ZFYVE9: variants seen among roughly 807,000 people sequenced by gnomAD.
ZFYVE9 encodes the protein zinc finger FYVE-type containing 9.
A neutral mutation model predicts 126.7 loss-of-function variants in ZFYVE9; 43 were observed. That is an observed-to-expected ratio of 0.34 (90% CI 0.27 to 0.44). The LOEUF is 0.44. ZFYVE9 is among the 20% of genes least tolerant of loss of function. The pLI is 1.00. For synonymous variants in ZFYVE9, 521 were observed against 597.4 expected, an observed-to-expected ratio of 0.87 and a Z score of 1.87; for missense variants, 1,476 against 1,697.0, an observed-to-expected ratio of 0.87 and a Z score of 2.29.
intron 8 of ZFYVE9, among the ~76,000 whole-genome samples, chr1:52,277,740 G>A (rs1160394676): frequency 6.6e-6 from 1 of 152,098 alleles, no homozygotes; most frequent in Admixed American, 6.6e-5. Flanking sequence ...GTTCTACAGT[G>A]ATTATTACGC....
intron 2 of ZFYVE9, among the ~76,000 whole-genome samples, chr1:52,230,699 G>A (rs184462283): frequency 2.2e-4 from 34 of 151,974 alleles, no homozygotes; most frequent in South Asian, 4.2e-4. Flanking sequence ...ACCTTTTCTG[G>A]GGGTTCACAT....
At chr1:52,334,875 TAGCATCTCTTC>T (rs1646375328) in intron 15 of ZFYVE9, 107 bp downstream of exon 15, 1 of 1,098,738 alleles carries the variant, frequency 9.1e-7, no homozygotes, top group South Asian at 1.4e-5. Context: ...GTTTTTTCAG[TAGCATCTCTTC>T]AGCAAATTAA....
chr1:52,217,998 G>A (rs970283563), intron 2 of ZFYVE9, among the ~76,000 whole-genome samples: 1 of 152,184 alleles, frequency 6.6e-6, no homozygotes, highest in African/African-American at 2.4e-5. Flanking sequence ...TCCAGTCTAC[G>A]TTTTTGTTTA....
chr1:52,261,229 T>TC lies in ZFYVE9; in HGVS notation c.2179-2544_2179-2543insC, dbSNP rs199768452. ...TGGTTTTTCTTTTTCTTTCTTTCTT[T>TC]TTTTTTTTTTTTTTTGAGACAGGGT... On this transcript the variant is annotated intron_variant, in intron 4 of 18. Coordinates refer to ENST00000287727, the MANE Select transcript of ZFYVE9 (RefSeq NM_004799.4). Among the ~76,000 whole-genome samples the TC allele has an allele frequency of 8.0e-3, 1,186 of 148,574 alleles. 43 individuals are homozygous for TC. In the East Asian group the frequency reaches 0.1, roughly 13 times the overall value.
At chr1:52,192,434 G>C (rs1644824225) in intron 1 of ZFYVE9, among the ~76,000 whole-genome samples, 2 of 152,206 alleles carry the variant, frequency 1.3e-5, no homozygotes, top group South Asian at 4.1e-4. Flanking sequence ...GTTAGAAATT[G>C]CTCCTAAGCC....
At chr1:52,320,435 A>G (rs1369090330) in intron 13 of ZFYVE9, among the ~76,000 whole-genome samples, 1 of 152,256 alleles carries the variant, frequency 6.6e-6, no homozygotes, top group Non-Finnish European at 1.5e-5. Flanking sequence ...ATATATGAAT[A>G]GACCAATGGA....
chr1:52,344,806 C>T lies in ZFYVE9; in HGVS notation c.3978C>T (p.Leu1326=). The T allele has an allele frequency of 6.2e-7, 1 of 1,614,176 alleles. No homozygotes were observed. The highest frequency in any genetic ancestry group is 8.5e-7 in the Non-Finnish European group (1 of 1,180,018). ...FLENDDQHNC[L]SDPADHSRLT... ...AAAACGATGACCAGCACAATTGCCT[C>T]AGTGATCCTGCAGATCACAGTAGAT... Residue 1326 remains leucine, a synonymous_variant, in exon 18 of 19, where the codon CTC becomes CTT. Transcript: ENST00000287727.
At chr1:52,184,600 A>AGCGGGGGTGG (rs1278863975) in intron 1 of ZFYVE9, among the ~76,000 whole-genome samples, 1 of 2,408 alleles carries the variant, frequency 4.2e-4, no homozygotes, top group African/African-American at 2.0e-3. Flanking sequence ...GGTGGTGGGG[A>AGCGGGGGTGG]GCGGGGGTGG....
intron 13 of ZFYVE9, among the ~76,000 whole-genome samples, chr1:52,319,622 C>CA (rs199998342): frequency 0.12 from 16,399 of 142,042 alleles, 1,046 homozygotes; most frequent in Non-Finnish European, 0.15. Context: ...AACTCCATCT[C>CA]AAAAAAAAAA....
intron 1 of ZFYVE9, chr1:52,179,831 G>A (rs1644680808): frequency 1.6e-6 from 1 of 633,142 alleles, no homozygotes; most frequent in Non-Finnish European, 2.9e-6. Context: ...GCTGGCTTCA[G>A]CAATTGGAAA....
At chr1:52,259,126 A>G (rs1381566457) in intron 4 of ZFYVE9, among the ~76,000 whole-genome samples, 1 of 152,090 alleles carries the variant, frequency 6.6e-6, no homozygotes, top group Non-Finnish European at 1.5e-5. Flanking sequence ...TACGGAAAAG[A>G]TCTCTTCCAT....
At chr1:52,231,666 C>G (rs747657505) in intron 2 of ZFYVE9, among the ~76,000 whole-genome samples, 50 of 151,858 alleles carry the variant, frequency 3.3e-4, no homozygotes, top group Admixed American at 4.6e-4. Flanking sequence ...ACTTGTTGCC[C>G]AGGCTGGAGT....
intron 1 of ZFYVE9, among the ~76,000 whole-genome samples, chr1:52,174,331 T>C (rs1423789162): frequency 6.6e-6 from 1 of 151,146 alleles, no homozygotes; most frequent in East Asian, 1.9e-4. Context: ...AGTTTCTTAA[T>C]CCTGAGTTCT....
intron 12 of ZFYVE9, among the ~76,000 whole-genome samples, chr1:52,302,204 T>C (rs1029876617): frequency 6.6e-6 from 1 of 152,212 alleles, no homozygotes; most frequent in Non-Finnish European, 1.5e-5. Context: ...GGTATTTTTT[T>C]ATTGGTTGCC....
At chr1:52,226,264 C>T (rs561595934) in intron 2 of ZFYVE9, among the ~76,000 whole-genome samples, 12 of 152,288 alleles carry the variant, frequency 7.9e-5, no homozygotes, top group East Asian at 3.9e-4. Flanking sequence ...GGCATTCACC[C>T]GTGCAAGCTC....
At chr1:52,342,358 C>T (rs1047070694) in intron 17 of ZFYVE9, among the ~76,000 whole-genome samples, 3 of 151,518 alleles carry the variant, frequency 2.0e-5, no homozygotes, top group East Asian at 1.9e-4. Flanking sequence ...CTCCGCCTCC[C>T]GGGTACACAC....
chr1:52,314,297 TG>T (rs1290444457), intron 13 of ZFYVE9, among the ~76,000 whole-genome samples: 3 of 152,146 alleles, frequency 2.0e-5, no homozygotes, highest in Admixed American at 6.5e-5. Context: ...ATGAAAACAA[TG>T]CAAGTTGCAA....
rs890916502 is a variant in ZFYVE9 at position 52,266,893 on chromosome 1, A to T, written c.2455+62A>T. The T allele has an allele frequency of 7.0e-6, 10 of 1,434,022 alleles. No homozygotes were observed. The African/African-American group carries it at 1.2e-4, about 17-fold the overall frequency. The allele number at this position is 1,434,022 out of a possible 1,614,324, so 88.8% of individuals were successfully genotyped here. On this transcript the variant is annotated intron_variant, in intron 6 of 18. Coordinates refer to ENST00000287727, the MANE Select transcript of ZFYVE9 (RefSeq NM_004799.4). ...ACGAAGTTCCTCTGAAAAGGTGCTG[A>T]TATGACTTTACAGCACAAGTCTTAA...
At chr1:52,299,896 G>T (rs972578320) in intron 12 of ZFYVE9, among the ~76,000 whole-genome samples, 3 of 152,242 alleles carry the variant, frequency 2.0e-5, no homozygotes, top group African/African-American at 7.2e-5. Context: ...CTCTGGAGCA[G>T]TGTAGTCCTG....
Sources: allele counts gnomAD v4.1 joint callset (sites outside exome capture counted in the v4.1 genomes callset), GRCh38; gene constraint gnomAD v4.1.1; transcripts MANE v1.5; gene names NCBI Gene and HGNC (gene_info 2026-07-23, HGNC 2026-07-21).